Variants in NBEA observed in about 807,000 individuals in gnomAD.
NBEA encodes neurobeachin.
A neutral mutation model predicts 343.4 loss-of-function variants in NBEA; 44 were observed. The ratio of observed to expected loss-of-function variants is 0.13; its 90% CI spans 0.10 to 0.16. The LOEUF is 0.16. Ranked by LOEUF, NBEA falls within the 10% of genes least tolerant of loss-of-function variation. The pLI, the probability that NBEA is intolerant of heterozygous loss-of-function variation, is 1.00. For missense variants in NBEA, 2,555 were observed against 3,631.3 expected (o/e 0.70, Z 7.62); for synonymous variants, 1,175 against 1,238.7 (o/e 0.95, Z 1.08).
At chr13:35,150,123 C>T (rs1022480371) in intron 18 of NBEA, among the ~76,000 whole-genome samples, 4 of 152,188 alleles carry the variant, frequency 2.6e-5, no homozygotes, top group Non-Finnish European at 5.9e-5. Context: ...AAGGAACCAA[C>T]TTACAGACCT....
At chr13:35,166,259 T>C (rs2070019760) in intron 24 of NBEA, among the ~76,000 whole-genome samples, 1 of 152,192 alleles carries the variant, frequency 6.6e-6, no homozygotes, top group African/African-American at 2.4e-5. Flanking sequence ...CTAAATAGTT[T>C]TCCAAATTTT....
chr13:35,507,814 G>A (rs1214567051), intron 41 of NBEA, among the ~76,000 whole-genome samples: 2 of 152,136 alleles, frequency 1.3e-5, no homozygotes, highest in Admixed American at 6.6e-5. Context: ...GAAATGGCCT[G>A]ATTGAACGTG....
chr13:35,583,382 A>G (rs912418468), intron 45 of NBEA, among the ~76,000 whole-genome samples: 34 of 152,344 alleles, frequency 2.2e-4, no homozygotes, highest in African/African-American at 8.2e-4. Context: ...TAAAAAGGAT[A>G]GTTGTTCCAT....
chr13:34,994,798 C>T (rs1292774105), intron 1 of NBEA, among the ~76,000 whole-genome samples: 1 of 152,052 alleles, frequency 6.6e-6, no homozygotes, highest in Non-Finnish European at 1.5e-5. Context: ...GCTGGAAGTC[C>T]AAGTCATCTT....
chr13:35,033,135 A>G (rs1182629462), intron 1 of NBEA, among the ~76,000 whole-genome samples: 1 of 151,616 alleles, frequency 6.6e-6, no homozygotes, highest in Non-Finnish European at 1.5e-5. Context: ...TTCATGGTTT[A>G]AGGTCTGAGA....
intron 38 of NBEA, among the ~76,000 whole-genome samples, chr13:35,369,190 T>G (rs2041294626): frequency 6.7e-6 from 1 of 150,106 alleles, no homozygotes; most frequent in Non-Finnish European, 1.5e-5. Flanking sequence ...GAGTGTGTGT[T>G]TGTGACACTG....
chr13:35,183,967 T>G lies in NBEA; in HGVS notation c.4832-9T>G. ...TGGCTCAAATTTGATTCCATGATTT[T>G]CTCCACAGTTGTGGTCATACCATCT... On this transcript the variant is annotated splice_polypyrimidine_tract_variant and intron_variant, in intron 29 of 58. Transcript: ENST00000379939. 6.2e-7 allele frequency: 1 copy of G among 1,600,454 alleles called. No homozygotes were observed. The highest frequency in any genetic ancestry group is 8.5e-7 in the Non-Finnish European group (1 of 1,170,958).
At chr13:34,988,617 A>G (rs1216464619) in intron 1 of NBEA, among the ~76,000 whole-genome samples, 2 of 150,486 alleles carry the variant, frequency 1.3e-5, no homozygotes, top group African/African-American at 4.9e-5. Context: ...ATGGGATATA[A>G]TCTCCTGTTG....
At chr13:35,015,179 G>C (rs1282961072) in intron 1 of NBEA, among the ~76,000 whole-genome samples, 1 of 130,494 alleles carries the variant, frequency 7.7e-6, no homozygotes, top group African/African-American at 2.9e-5. Context: ...CAGGGGCCTA[G>C]ATCTCTTTCC....
intron 41 of NBEA, among the ~76,000 whole-genome samples, chr13:35,494,204 A>G (rs1462307587): frequency 1.3e-5 from 2 of 151,968 alleles, no homozygotes; most frequent in African/African-American, 2.4e-5. Flanking sequence ...TGGAGGTTTG[A>G]TTGAAGGACC....
chr13:35,425,137 C>T (rs1376761908), intron 38 of NBEA, among the ~76,000 whole-genome samples: 2 of 152,076 alleles, frequency 1.3e-5, no homozygotes, highest in African/African-American at 4.8e-5. Context: ...TTTTTTGTGT[C>T]TCTATTTCCT....
chr13:35,363,111 A>G (rs1305432567), intron 38 of NBEA, among the ~76,000 whole-genome samples: 1 of 151,908 alleles, frequency 6.6e-6, no homozygotes, highest in African/African-American at 2.4e-5. Flanking sequence ...GTTTATTTAA[A>G]TCCAGTTTAA....
intron 46 of NBEA, among the ~76,000 whole-genome samples, chr13:35,591,043 T>C (rs2081514928): frequency 6.6e-6 from 1 of 152,098 alleles, no homozygotes; most frequent in African/African-American, 2.4e-5. Flanking sequence ...TGCGTAAAGC[T>C]GGTAGTCATT....
intron 35 of NBEA, among the ~76,000 whole-genome samples, chr13:35,304,864 CTT>C (rs1260104886): frequency 6.6e-6 from 1 of 152,082 alleles, no homozygotes; most frequent in East Asian, 1.9e-4. Context: ...TATTTCAACT[CTT>C]TTATCTGTTT....
At chr13:35,573,379 T>A (rs1234965399) in intron 45 of NBEA, among the ~76,000 whole-genome samples, 1 of 152,210 alleles carries the variant, frequency 6.6e-6, no homozygotes, top group Non-Finnish European at 1.5e-5. Flanking sequence ...CAGTGACATA[T>A]TAAGCTGTTC....
At chr13:35,431,171 C>T (rs773000646) in intron 38 of NBEA, among the ~76,000 whole-genome samples, 15 of 151,666 alleles carry the variant, frequency 9.9e-5, no homozygotes, top group Middle Eastern at 3.2e-3. Flanking sequence ...ATACTGTGGG[C>T]GAGACATTGT....
At chr13:35,548,198 G>A (rs1364404280) in intron 41 of NBEA, among the ~76,000 whole-genome samples, 1 of 152,186 alleles carries the variant, frequency 6.6e-6, no homozygotes, top group East Asian at 1.9e-4. Flanking sequence ...TTTTCACAGA[G>A]CAAGCAATTA....
chr13:34,953,258 A>G (rs1217250454), intron 1 of NBEA, among the ~76,000 whole-genome samples: 1 of 152,234 alleles, frequency 6.6e-6, no homozygotes, highest in Non-Finnish European at 1.5e-5. Context: ...CTTGATTATA[A>G]AATGTCATAG....
At chr13:35,524,049 G>A (rs2077849771) in intron 41 of NBEA, among the ~76,000 whole-genome samples, 1 of 152,048 alleles carries the variant, frequency 6.6e-6, no homozygotes, top group African/African-American at 2.4e-5. Context: ...CTCTATTACT[G>A]TGTTCATGCC....
Sources: gnomAD v4.1 joint callset for allele counts (sites outside exome capture counted in the v4.1 genomes callset) on GRCh38, gnomAD v4.1.1 for gene constraint, MANE v1.5 for transcripts, NCBI Gene and HGNC (gene_info 2026-07-23, HGNC 2026-07-21) for gene names.